TMEM131L: variants seen among roughly 807,000 people sequenced by gnomAD.
The protein encoded by TMEM131L is transmembrane 131 like, also known as transmembrane protein 131-like.
Under a neutral mutation model 192.2 loss-of-function variants are expected in TMEM131L, and 54 were observed. That is an observed-to-expected ratio of 0.28 (90% CI 0.23 to 0.35). TMEM131L has a LOEUF of 0.35. Among genes scored for constraint, TMEM131L ranks in the 10% least tolerant of loss-of-function variants. The pLI, the probability that TMEM131L is intolerant of heterozygous loss-of-function variation, is 1.00. For missense variants in TMEM131L, 1,888 were observed against 1,972.9 expected, an observed-to-expected ratio of 0.96 and a Z score of 0.82; for synonymous variants, 701 against 704.9, an observed-to-expected ratio of 0.99 and a Z score of 0.09.
chr4:153,580,119 T>C (rs1730233821), intron 7 of TMEM131L, among the ~76,000 whole-genome samples: 1 of 152,014 alleles, frequency 6.6e-6, no homozygotes, highest in African/African-American at 2.4e-5. Flanking sequence ...GAGTAACTTT[T>C]TGCTGTATTC....
intron 3 of TMEM131L, among the ~76,000 whole-genome samples, chr4:153,516,041 G>A (rs1176534553): frequency 6.6e-6 from 1 of 151,340 alleles, no homozygotes; most frequent in Non-Finnish European, 1.5e-5. Context: ...CAAATCCTTT[G>A]CCCATTTTTA....
At chr4:153,515,657 T>G (rs1286388998) in intron 3 of TMEM131L, among the ~76,000 whole-genome samples, 2 of 152,212 alleles carry the variant, frequency 1.3e-5, no homozygotes, top group African/African-American at 4.8e-5. Context: ...TGCCAAATTG[T>G]TTTCCAAAGT....
chr4:153,591,607 C>T (rs1731072016), intron 17 of TMEM131L, among the ~76,000 whole-genome samples: 1 of 152,146 alleles, frequency 6.6e-6, no homozygotes, highest in Admixed American at 6.5e-5. Context: ...CTGTGCCTCT[C>T]TCGTCCAGCT....
intron 4 of TMEM131L, among the ~76,000 whole-genome samples, chr4:153,552,062 T>C (rs1737666434): frequency 6.6e-6 from 1 of 151,926 alleles, no homozygotes; most frequent in African/African-American, 2.4e-5. Context: ...ATACAAAAAT[T>C]AGCCGGACAT....
Position 153,555,782 on chromosome 4 carries a change from C to A in TMEM131L, c.309-5C>A. The A allele has an allele frequency of 6.5e-7, 1 of 1,550,324 alleles. No individual in the cohort carries two copies. The highest frequency in any genetic ancestry group is 8.7e-7 in the Non-Finnish European group (1 of 1,145,914). On this transcript the variant is annotated splice_polypyrimidine_tract_variant and splice_region_variant and intron_variant, in intron 4 of 34. Transcript: ENST00000409959. This position sits in a 1 kb window ranked among gnomAD's most constrained non-coding sequence, Gnocchi z 4.1. ...ATTGATTTTTCTCTTTGTTTCTCCT[C>A]CTAGGTTCCTGGGACATCCTGTAGC...
chr4:153,626,283 A>G (rs2126817272), intron 30 of TMEM131L, 58 bp downstream of exon 30: 2 of 1,077,850 alleles, frequency 1.9e-6, no homozygotes, highest in Non-Finnish European at 1.4e-6. Flanking sequence ...TTTTCTACCA[A>G]TTATTGTGTT....
intron 7 of TMEM131L, among the ~76,000 whole-genome samples, chr4:153,559,064 T>G (rs2150493523): frequency 6.6e-6 from 1 of 152,364 alleles, no homozygotes; most frequent in Non-Finnish European, 1.5e-5. Context: ...TAAAGAACAT[T>G]GCTTAGAATT....
intron 3 of TMEM131L, among the ~76,000 whole-genome samples, chr4:153,531,592 T>G (rs191707913): frequency 6.6e-6 from 1 of 152,380 alleles, no homozygotes; most frequent in East Asian, 1.9e-4. Flanking sequence ...TGTGACTACC[T>G]TATTATACAG....
intron 21 of TMEM131L, among the ~76,000 whole-genome samples, chr4:153,601,801 T>C (rs1300251829): frequency 6.6e-6 from 1 of 152,236 alleles, no homozygotes; most frequent in African/African-American, 2.4e-5. Flanking sequence ...TGGTGGCTTA[T>C]AGTAAGTAAA....
In TMEM131L at chr4:153,622,954, A is replaced by G; in HGVS notation, c.3916A>G (p.Ser1306Gly). ...KCVDKFCSDS[S>G]SDCGSSSGSV... ...TGTGGACAAGTTCTGCTCCGATTCCAGCTCTGACTGTGGGAGCTCCTCTGG... is the reference window on the plus strand; with the variant it reads ...TGTGGACAAGTTCTGCTCCGATTCCGGCTCTGACTGTGGGAGCTCCTCTGG... Residue 1306 changes from serine to glycine, a missense_variant, in exon 29 of 35, where the codon AGC (serine) becomes GGC (glycine). Physicochemically the swap from Ser to Gly is moderately conservative, Grantham distance 56. Coordinates refer to ENST00000409959, the MANE Select transcript of TMEM131L (RefSeq NM_001131007.2). 6.2e-7 allele frequency: 1 copy of G among 1,614,256 alleles called. No individual in the cohort carries two copies.
In TMEM131L at chr4:153,583,620, A is replaced by G; in HGVS notation, c.1008A>G (p.Leu336=). The change falls in exon 11 of 35, where the codon CTA becomes CTG. Residue 336 remains leucine, a synonymous_variant. Transcript: ENST00000409959. ...TGTCTCTGCAGTTTGAACCAGTACT[A>G]CTACCTACTTCTACAACAAACTTTA... ...DALSLQFEPV[L]LPTSTTNFTK... is the part of the protein sequence containing the mutation. The G allele has an allele frequency of 1.2e-6, 2 of 1,611,378 alleles. No homozygotes were observed. The highest frequency in any genetic ancestry group is 1.7e-6 in the Non-Finnish European group (2 of 1,179,082).
At chr4:153,622,855 G>T (rs1461879875) in intron 28 of TMEM131L, 43 bp from the exon 29 acceptor site, 3 of 1,595,426 alleles carry the variant, frequency 1.9e-6, no homozygotes, top group Non-Finnish European at 2.6e-6. Flanking sequence ...GCATGAGGTT[G>T]ACAGTTGTTT....
chr4:153,588,314 T>C (rs979217026), intron 15 of TMEM131L, among the ~76,000 whole-genome samples: 3 of 149,732 alleles, frequency 2.0e-5, no homozygotes, highest in African/African-American at 7.4e-5. Context: ...TATAGAGATA[T>C]TTAGGGAGAG....
chr4:153,476,525 C>A (rs1264627351), intron 3 of TMEM131L, among the ~76,000 whole-genome samples: 1 of 151,858 alleles, frequency 6.6e-6, no homozygotes, highest in African/African-American at 2.4e-5. Flanking sequence ...GTGAAACCCC[C>A]TCTCTACTAA....
rs1487101777 is a variant in TMEM131L at position 153,602,736 on chromosome 4, C to T, written c.2639+9C>T. ...ACGGTCTTCTTTGTCAGGTAAACCA[C>T]TACTGTCTCCCTTGTTCTCTCACTG... On this transcript the variant is annotated intron_variant, in intron 23 of 34. Transcript: ENST00000409959. 7 of 1,613,140 alleles carry T rather than the reference C, an allele frequency of 4.3e-6. No individual in the cohort carries two copies. In the South Asian group the frequency reaches 6.6e-5, roughly 15 times the overall value.
At chr4:153,526,797 C>A (rs1735522518) in intron 3 of TMEM131L, among the ~76,000 whole-genome samples, 1 of 151,884 alleles carries the variant, frequency 6.6e-6, no homozygotes, top group South Asian at 2.1e-4. Context: ...TAAATAGCTC[C>A]TGTCGTGTTG....
At chr4:153,493,570 G>A (rs1415616463) in intron 3 of TMEM131L, among the ~76,000 whole-genome samples, 1 of 152,064 alleles carries the variant, frequency 6.6e-6, no homozygotes, top group Non-Finnish European at 1.5e-5. Flanking sequence ...TGAGGCAGGA[G>A]AATCACTTGA....
chr4:153,468,938 T>G (rs1204627279), intron 2 of TMEM131L, among the ~76,000 whole-genome samples: 1 of 152,194 alleles, frequency 6.6e-6, no homozygotes, highest in Non-Finnish European at 1.5e-5. Context: ...GGAAAGTAAA[T>G]TATAGGTGAT....
intron 3 of TMEM131L, among the ~76,000 whole-genome samples, chr4:153,504,527 A>G (rs1208601070): frequency 6.7e-6 from 1 of 149,424 alleles, no homozygotes; most frequent in Non-Finnish European, 1.5e-5. Context: ...TGACCTGGTG[A>G]TCCACCTGCC....
Sources: gnomAD v4.1 joint callset for allele counts (sites outside exome capture counted in the v4.1 genomes callset) on GRCh38, gnomAD v4.1.1 for gene constraint, Gnocchi (gnomAD v3.1) non-coding constraint, MANE v1.5 for transcripts, NCBI Gene and HGNC (gene_info 2026-07-23, HGNC 2026-07-21) for gene names.